ITPR2: variants seen among roughly 807,000 people sequenced by gnomAD.
ITPR2 encodes inositol 1,4,5-trisphosphate-gated calcium channel ITPR2.
Under a neutral mutation model 317.1 loss-of-function variants are expected in ITPR2, and 207 were observed. The observed-to-expected ratio is 0.65, with a 90% confidence interval of 0.58 to 0.73. The LOEUF is 0.73. Among genes scored for constraint, ITPR2 ranks in the 30% least tolerant of loss-of-function variants. ITPR2 has a pLI of 0.00. For missense variants in ITPR2, 2,613 were observed against 3,284.0 expected (o/e 0.80, Z 4.99); for synonymous variants, 1,156 against 1,149.1 (o/e 1.01, Z -0.12).
rs375473229 is a variant in ITPR2 at position 26,556,198 on chromosome 12, C to T, written c.4964+35G>A. 30 of 1,602,666 alleles carry T rather than the reference C, an allele frequency of 1.9e-5. 1 individual carries two copies. The African/African-American group carries it at 2.8e-4, about 15-fold the overall frequency. On this transcript the variant is annotated intron_variant, in intron 36 of 56. Transcript: ENST00000381340. Reference sequence around the variant, plus strand: ...AATGTTAGAGGCCATGTCAGTTTGACGACACTAGCAGAATCTCAGATTGGA... The same window carrying T: ...AATGTTAGAGGCCATGTCAGTTTGATGACACTAGCAGAATCTCAGATTGGA...
At chr12:26,448,719 G>GATTC (rs548482477) in intron 45 of ITPR2, among the ~76,000 whole-genome samples, 295 of 152,200 alleles carry the variant, frequency 1.9e-3, no homozygotes, top group Non-Finnish European at 3.1e-3. Context: ...ACTACCAAGA[G>GATTC]ATTCATTATA....
intron 43 of ITPR2, among the ~76,000 whole-genome samples, chr12:26,479,591 C>T (rs1474827641): frequency 2.0e-5 from 3 of 152,116 alleles, no homozygotes; most frequent in Admixed American, 2.0e-4. Context: ...TTTCTAATAA[C>T]TTGAATTTAA....
rs559082096 is a variant in ITPR2 at position 26,577,319 on chromosome 12, G to A, written c.4630+1394C>T. 2.6e-5 allele frequency among the ~76,000 whole-genome samples: 4 copies of A among 152,302 alleles called. No individual in the cohort carries two copies. In the East Asian group the frequency reaches 7.7e-4, roughly 29 times the overall value. ...GGATCCCAGCTCATGTGGGCTCTGA[G>A]GTGAGGAGGGTATGTGCAAAGAATG... On this transcript the variant is annotated intron_variant, in intron 34 of 56. Transcript: ENST00000381340.
chr12:26,348,345 G>C (rs942717902), intron 55 of ITPR2, among the ~76,000 whole-genome samples: 1 of 152,200 alleles, frequency 6.6e-6, no homozygotes, highest in Non-Finnish European at 1.5e-5. Flanking sequence ...CGTGGTTATG[G>C]GGGCGTGTCT....
In ITPR2 at chr12:26,656,490, G is replaced by T; in HGVS notation, c.2251C>A (p.Gln751Lys). ...CLDRQYLAIN[Q>K]ISTQLSVDLI... ...TCTACAGACAGCTGTGTAGAAATCT[G>T]GTTTATGGCCAGATACTGGCGATCC... is the stretch of plus-strand genomic sequence containing the variant. The change falls in exon 19 of 57, where the codon CAG (glutamine) becomes AAG (lysine). Residue 751 changes from glutamine to lysine, a missense_variant. Gln to Lys is a moderately conservative substitution (Grantham distance 53, BLOSUM62 1). Around this residue, in one of 9 missense-constraint regions of ITPR2, gnomAD observed 817 missense variants for 897.6 expected, o/e 0.91. Transcript: ENST00000381340. 6.2e-7 allele frequency: 1 copy of T among 1,614,182 alleles called. No homozygotes were observed. The highest frequency in any genetic ancestry group is 8.5e-7 in the Non-Finnish European group (1 of 1,180,020).
intron 1 of ITPR2, among the ~76,000 whole-genome samples, chr12:26,802,144 T>C (rs1252975055): frequency 6.6e-6 from 1 of 151,694 alleles, no homozygotes; most frequent in Middle Eastern, 3.4e-3. Context: ...CTACAAAAAA[T>C]TTAAAAATTA....
At chr12:26,638,998 C>T (rs1026211574) in intron 21 of ITPR2, among the ~76,000 whole-genome samples, 1 of 152,090 alleles carries the variant, frequency 6.6e-6, no homozygotes, top group Non-Finnish European at 1.5e-5. Flanking sequence ...TCATTTTCAC[C>T]TAGGCTACAT....
At chr12:26,757,439 C>T (rs776722081) in intron 2 of ITPR2, among the ~76,000 whole-genome samples, 3 of 152,168 alleles carry the variant, frequency 2.0e-5, no homozygotes, top group Admixed American at 6.5e-5. Context: ...TGGTCTCGAA[C>T]TCCCGACCTC....
intron 32 of ITPR2, among the ~76,000 whole-genome samples, chr12:26,583,122 C>T (rs1045409342): frequency 6.6e-6 from 1 of 152,120 alleles, no homozygotes; most frequent in Non-Finnish European, 1.5e-5. Flanking sequence ...AATCTGCCCT[C>T]GTTTCTTGAA....
intron 32 of ITPR2, among the ~76,000 whole-genome samples, chr12:26,582,399 C>A (rs965577958): frequency 7.9e-5 from 12 of 152,010 alleles, no homozygotes; most frequent in African/African-American, 2.9e-4. Context: ...AAGTTTTAAT[C>A]CATTTGCACA....
intron 45 of ITPR2, among the ~76,000 whole-genome samples, chr12:26,460,179 G>T (rs572423298): frequency 6.6e-6 from 1 of 152,124 alleles, no homozygotes; most frequent in Non-Finnish European, 1.5e-5. Flanking sequence ...CTCCTGATCC[G>T]ACCCTGCCTC....
intron 37 of ITPR2, among the ~76,000 whole-genome samples, chr12:26,524,996 T>G (rs1280388634): frequency 6.6e-6 from 1 of 152,186 alleles, no homozygotes; most frequent in Non-Finnish European, 1.5e-5. Context: ...TTTCTATAAT[T>G]TAAAACTAAA....
intron 21 of ITPR2, among the ~76,000 whole-genome samples, chr12:26,653,391 G>A (rs1230027938): frequency 3.3e-5 from 5 of 151,924 alleles, no homozygotes; most frequent in South Asian, 2.1e-4. Flanking sequence ...ACAGGCACAC[G>A]CCACCATGCC....
Position 26,483,769 on chromosome 12 carries a change from T to C in ITPR2, c.5941A>G (p.Asn1981Asp), listed in dbSNP as rs1396228083. ...AGGTTCTGGTTGACCAGCGCTACAT[T>C]CTTCTCATTGATGTAGAGACCCAAC... is the stretch of plus-strand genomic sequence containing the variant. Reference protein sequence around the residue: ...GLLGLYINEKNVALVNQNLES... With the variant: ...GLLGLYINEKDVALVNQNLES... The change falls in exon 42 of 57, where the codon AAT becomes GAT. Residue 1981 changes from asparagine to aspartate, a missense_variant. Around this residue, in one of 9 missense-constraint regions of ITPR2, gnomAD observed 926 missense variants for 1,072.8 expected, o/e 0.86. Transcript: ENST00000381340. 6.2e-7 allele frequency: 1 copy of C among 1,613,964 alleles called. No individual in the cohort carries two copies. The highest frequency in any genetic ancestry group is 1.3e-5 in the African/African-American group (1 of 74,938).
intron 37 of ITPR2, among the ~76,000 whole-genome samples, chr12:26,517,116 T>C (rs1010319874): frequency 3.3e-5 from 5 of 152,110 alleles, no homozygotes; most frequent in Non-Finnish European, 7.4e-5. Context: ...AAACTCTCCT[T>C]AAACAACTTT....
At chr12:26,606,776 A>T (rs958291475) in intron 26 of ITPR2, among the ~76,000 whole-genome samples, 16 of 148,870 alleles carry the variant, frequency 1.1e-4, no homozygotes, top group African/African-American at 3.3e-4. Context: ...TATAAAAAAT[A>T]AAAAAAAAAT....
intron 21 of ITPR2, among the ~76,000 whole-genome samples, chr12:26,642,769 A>T (rs1164211329): frequency 1.3e-5 from 2 of 152,238 alleles, no homozygotes; most frequent in African/African-American, 4.8e-5. Flanking sequence ...AAATGGACCA[A>T]GACAAGATCT....
chr12:26,695,385 C>T (rs999100922), intron 10 of ITPR2, among the ~76,000 whole-genome samples: 13 of 152,266 alleles, frequency 8.5e-5, no homozygotes, highest in African/African-American at 2.9e-4. Context: ...TAGCACTCCA[C>T]CAACAATGGC....
At chr12:26,476,077 C>T (rs1370623106) in intron 44 of ITPR2, among the ~76,000 whole-genome samples, 1 of 152,146 alleles carries the variant, frequency 6.6e-6, no homozygotes, top group Non-Finnish European at 1.5e-5. Flanking sequence ...TGTGTTGGTC[C>T]TTGTAACTCA....
Sources: allele counts gnomAD v4.1 joint callset (sites outside exome capture counted in the v4.1 genomes callset), GRCh38; gene constraint gnomAD v4.1.1; regional missense constraint gnomAD v4.1.1; transcripts MANE v1.5; gene names NCBI Gene and HGNC (gene_info 2026-07-23, HGNC 2026-07-21).